EPHA6: variants seen among roughly 807,000 people sequenced by gnomAD.
EPHA6 encodes the protein ephrin type-A receptor 6.
A neutral mutation model predicts 112.0 loss-of-function variants in EPHA6; 50 were observed. The observed-to-expected ratio is 0.45, with a 90% CI of 0.36 to 0.56. The LOEUF (loss-of-function observed/expected upper bound fraction) is 0.56, where lower values mean the gene tolerates loss of function less well. Ranked by LOEUF, EPHA6 falls within the 20% of genes least tolerant of loss-of-function variation. EPHA6 has a pLI of 0.00. For synonymous variants in EPHA6, 529 were observed against 490.7 expected, an observed-to-expected ratio of 1.08 and a Z score of -1.03; for missense variants, 1,280 against 1,417.4, an observed-to-expected ratio of 0.90 and a Z score of 1.56.
chr3:97,527,505 C>T (rs78461078), intron 10 of EPHA6, among the ~76,000 whole-genome samples: 23 of 152,086 alleles, frequency 1.5e-4, no homozygotes, highest in African/African-American at 5.6e-4. Context: ...ATTGCTTCCT[C>T]TTTACCCTGT....
At chr3:97,425,969 G>T (rs1265936190) in intron 6 of EPHA6, among the ~76,000 whole-genome samples, 1 of 152,070 alleles carries the variant, frequency 6.6e-6, no homozygotes, top group Non-Finnish European at 1.5e-5. Context: ...ACTTCAGCCT[G>T]GACTTTATTG....
At chr3:97,302,148 A>G (rs1467807044) in intron 5 of EPHA6, among the ~76,000 whole-genome samples, 4 of 152,094 alleles carry the variant, frequency 2.6e-5, no homozygotes, top group Admixed American at 6.6e-5. Context: ...CCAAGTTAAA[A>G]TCATATTCCC....
At chr3:97,368,143 G>T (rs924603093) in intron 5 of EPHA6, among the ~76,000 whole-genome samples, 1 of 152,198 alleles carries the variant, frequency 6.6e-6, no homozygotes, top group South Asian at 2.1e-4. Context: ...ATATTATAAA[G>T]AATTGAATGC....
At chr3:97,020,434 T>C (rs1254315573) in intron 3 of EPHA6, among the ~76,000 whole-genome samples, 1 of 152,174 alleles carries the variant, frequency 6.6e-6, no homozygotes, top group East Asian at 1.9e-4. Flanking sequence ...TCTAGGGCAG[T>C]CCAGTTTACA....
chr3:97,022,599 C>A (rs2044499982), intron 3 of EPHA6, among the ~76,000 whole-genome samples: 2 of 152,114 alleles, frequency 1.3e-5, no homozygotes, highest in South Asian at 2.1e-4. Flanking sequence ...GGGTAAATAT[C>A]TTCTTACTTG....
At chr3:96,864,316 G>GC (rs1206456106) in intron 1 of EPHA6, among the ~76,000 whole-genome samples, 1 of 152,002 alleles carries the variant, frequency 6.6e-6, no homozygotes, top group African/African-American at 2.4e-5. Context: ...ACTGGAAATA[G>GC]CCCAGATGTC....
chr3:96,875,596 A>G (rs997302384), intron 2 of EPHA6, among the ~76,000 whole-genome samples: 2 of 152,130 alleles, frequency 1.3e-5, no homozygotes, highest in South Asian at 4.1e-4. Context: ...GATGTTCCTG[A>G]ATATGTAATC....
chr3:97,514,374 C>T (rs1038440345), intron 10 of EPHA6, among the ~76,000 whole-genome samples: 7 of 152,106 alleles, frequency 4.6e-5, no homozygotes, highest in African/African-American at 9.7e-5. Flanking sequence ...TCATATGTAC[C>T]CTTGTGAGTA....
chr3:97,380,548 G>T lies in EPHA6; in HGVS notation c.1607-24602G>T, dbSNP rs138939663. On this transcript the variant is annotated intron_variant, in intron 5 of 17. Coordinates refer to ENST00000389672, the MANE Select transcript of EPHA6 (RefSeq NM_001080448.3). ...CCACAAGACTTTCTTGTCCAGACAA[G>T]TTGCATTTCTTACGTGAAGAAAATG... is the stretch of plus-strand genomic sequence containing the variant. Among the ~76,000 whole-genome samples the T allele has an allele frequency of 7.3e-3, 1,115 of 152,242 alleles. 14 individuals carry two copies. Among genetic ancestry groups the T allele is most frequent in the African/African-American group, 0.026 (1,074 of 41,530 alleles).
At chr3:96,985,250 C>T (rs1481177828) in intron 2 of EPHA6, among the ~76,000 whole-genome samples, 3 of 152,164 alleles carry the variant, frequency 2.0e-5, no homozygotes, top group East Asian at 3.9e-4. Context: ...GTAGTATAGA[C>T]ATTAATAATA....
At chr3:97,277,963 C>T (rs1427823219) in intron 5 of EPHA6, among the ~76,000 whole-genome samples, 3 of 152,158 alleles carry the variant, frequency 2.0e-5, no homozygotes, top group African/African-American at 7.2e-5. Context: ...CAGATGACAG[C>T]AATATTTGAG....
intron 7 of EPHA6, among the ~76,000 whole-genome samples, chr3:97,463,055 A>G (rs1436076755): frequency 6.6e-6 from 1 of 152,166 alleles, no homozygotes; most frequent in African/African-American, 2.4e-5. Flanking sequence ...TGAGAGAAAT[A>G]CAAGAATAGT....
intron 10 of EPHA6, among the ~76,000 whole-genome samples, chr3:97,518,987 G>A (rs900324647): frequency 6.6e-6 from 1 of 152,018 alleles, no homozygotes; most frequent in African/African-American, 2.4e-5. Context: ...GCTGTGCAGA[G>A]CTTTTTATTT....
At chr3:97,108,437 T>C (rs1188727931) in intron 3 of EPHA6, among the ~76,000 whole-genome samples, 1 of 152,154 alleles carries the variant, frequency 6.6e-6, no homozygotes, top group Non-Finnish European at 1.5e-5. Context: ...AATGGCACAA[T>C]CTTTATTGCA....
Position 97,592,462 on chromosome 3 carries a change from T to A in EPHA6, c.2387-150T>A, listed in dbSNP as rs1274723954. ...AAACTAAGTTGATTTTATAAATTTA[T>A]GGAGTAAAAAATGCATTCCATCCCT... On this transcript the variant is annotated intron_variant, in intron 11 of 17. Coordinates refer to ENST00000389672, the MANE Select transcript of EPHA6 (RefSeq NM_001080448.3). 6 of 819,706 alleles carry A rather than the reference T, an allele frequency of 7.3e-6. No homozygotes were observed. The African/African-American group carries it at 1.1e-4, about 14-fold the overall frequency. 50.8% of individuals were successfully genotyped at this position (819,706 alleles called of 1,614,324 possible). A position where few individuals can be genotyped will look rare whatever the true frequency, so the allele number is the denominator to read the frequency against.
chr3:97,717,738 C>A (rs924514230), intron 14 of EPHA6, among the ~76,000 whole-genome samples: 9 of 152,136 alleles, frequency 5.9e-5, no homozygotes, highest in Non-Finnish European at 1.3e-4. Flanking sequence ...GAGTTCATAA[C>A]AGGGAGCAAT....
intron 14 of EPHA6, among the ~76,000 whole-genome samples, chr3:97,638,376 G>C (rs1049743272): frequency 6.6e-6 from 1 of 152,066 alleles, no homozygotes; most frequent in Non-Finnish European, 1.5e-5. Flanking sequence ...ATGGGCTGAA[G>C]TATCTTTGAT....
At chr3:97,654,424 C>T (rs1560235334) in intron 14 of EPHA6, among the ~76,000 whole-genome samples, 1 of 151,762 alleles carries the variant, frequency 6.6e-6, no homozygotes, top group Non-Finnish European at 1.5e-5. Context: ...AATAAGTAAG[C>T]TTTCTTCATA....
At chr3:97,185,829 A>T (rs923753526) in intron 3 of EPHA6, among the ~76,000 whole-genome samples, 42 of 152,244 alleles carry the variant, frequency 2.8e-4, no homozygotes, top group African/African-American at 9.1e-4. Context: ...TCCAACAATG[A>T]TAGACTGGAT....
Sources: gnomAD v4.1 joint callset for allele counts (sites outside exome capture counted in the v4.1 genomes callset) on GRCh38, gnomAD v4.1.1 for gene constraint, MANE v1.5 for transcripts, NCBI Gene and HGNC (gene_info 2026-07-23, HGNC 2026-07-21) for gene names.